Variants in IQCM observed in about 807,000 individuals in gnomAD.
IQCM encodes the protein IQ domain-containing protein M.
IQCM carries 45 observed loss-of-function variants against 57.6 expected under a neutral mutation model. That is an observed-to-expected ratio of 0.78 (90% confidence interval 0.62 to 1.00). The LOEUF is 1.00. IQCM is among the 50% of genes least tolerant of loss of function. The pLI is 0.00. For synonymous variants in IQCM, 148 were observed against 158.9 expected, an observed-to-expected ratio of 0.93 and a Z score of 0.51; for missense variants, 468 against 511.6, an observed-to-expected ratio of 0.91 and a Z score of 0.82.
chr4:149,516,522 C>A (rs188548892), intron 12 of IQCM, among the ~76,000 whole-genome samples: 1 of 152,314 alleles, frequency 6.6e-6, no homozygotes, highest in East Asian at 1.9e-4. Flanking sequence ...ATTGAAGTCA[C>A]AATTACAATG....
At chr4:149,604,395 T>C (rs147346622) in intron 8 of IQCM, among the ~76,000 whole-genome samples, 1,902 of 152,332 alleles carry the variant, frequency 0.012, 21 homozygotes, top group Non-Finnish European at 0.019. Flanking sequence ...ATATTTGTTA[T>C]TGCAGATCAT....
At chr4:149,796,401 G>C (rs1773121549) in intron 2 of IQCM, among the ~76,000 whole-genome samples, 1 of 152,162 alleles carries the variant, frequency 6.6e-6, no homozygotes, top group African/African-American at 2.4e-5. Flanking sequence ...CAGTACAGTA[G>C]AATACCAGGT....
intron 13 of IQCM, among the ~76,000 whole-genome samples, chr4:149,419,758 T>C (rs933190171): frequency 1.3e-5 from 2 of 152,056 alleles, no homozygotes; most frequent in Admixed American, 6.6e-5. Context: ...AAAGGTCTAA[T>C]ATCCAGAATC....
At chr4:149,410,428 G>A (rs531782878) in intron 13 of IQCM, among the ~76,000 whole-genome samples, 1 of 150,818 alleles carries the variant, frequency 6.6e-6, no homozygotes, top group Middle Eastern at 3.6e-3. Context: ...ACCTGTGTGT[G>A]TGTGTGTGTG....
intron 2 of IQCM, among the ~76,000 whole-genome samples, chr4:149,743,741 G>T (rs1767676029): frequency 6.6e-6 from 1 of 152,132 alleles, no homozygotes; most frequent in South Asian, 2.1e-4. Flanking sequence ...TCAACAAAGG[G>T]CTGATTAATG....
intron 8 of IQCM, among the ~76,000 whole-genome samples, chr4:149,612,029 A>G (rs1755343862): frequency 6.6e-6 from 1 of 152,034 alleles, no homozygotes; most frequent in South Asian, 2.1e-4. Context: ...GTGAGACCTC[A>G]AGAAATGTAC....
At chr4:149,487,840 ACTCT>A (rs764641323) in intron 12 of IQCM, among the ~76,000 whole-genome samples, 1 of 150,886 alleles carries the variant, frequency 6.6e-6, no homozygotes, top group Non-Finnish European at 1.5e-5. Flanking sequence ...GCGATTCAAG[ACTCT>A]CTCTCTCTCC....
At chr4:149,627,633 A>G (rs568800664) in intron 7 of IQCM, among the ~76,000 whole-genome samples, 5 of 152,210 alleles carry the variant, frequency 3.3e-5, no homozygotes, top group South Asian at 4.2e-4. Flanking sequence ...ACCCAGGTCT[A>G]TCTTGAAGCT....
At chr4:149,603,796 T>A (rs888030518) in intron 8 of IQCM, among the ~76,000 whole-genome samples, 2 of 151,852 alleles carry the variant, frequency 1.3e-5, no homozygotes, top group Non-Finnish European at 2.9e-5. Context: ...GAAAAAAAAA[T>A]TACAGCAAAA....
intron 8 of IQCM, among the ~76,000 whole-genome samples, chr4:149,604,659 GA>G (rs776650890): frequency 2.2e-4 from 34 of 152,110 alleles, no homozygotes; most frequent in Non-Finnish European, 4.4e-4. Context: ...TTTGTTTGAT[GA>G]AAACAAGCTA....
intron 12 of IQCM, among the ~76,000 whole-genome samples, chr4:149,542,922 T>C (rs1748000940): frequency 6.6e-6 from 1 of 152,014 alleles, no homozygotes; most frequent in Non-Finnish European, 1.5e-5. Context: ...AAATAACTTG[T>C]CCAAAGACAG....
At chr4:149,767,276 G>A (rs1271664255) in intron 2 of IQCM, among the ~76,000 whole-genome samples, 4 of 151,752 alleles carry the variant, frequency 2.6e-5, no homozygotes, top group South Asian at 4.2e-4. Context: ...GACACGTGAC[G>A]CTCAGATATT....
At chr4:149,597,095 A>T (rs932800072) in intron 8 of IQCM, among the ~76,000 whole-genome samples, 12 of 152,130 alleles carry the variant, frequency 7.9e-5, no homozygotes, top group Non-Finnish European at 2.9e-5. Flanking sequence ...AACAAAAAAA[A>T]TTATCAAAAT....
At chr4:149,447,459 G>A (rs1736636117) in intron 12 of IQCM, among the ~76,000 whole-genome samples, 1 of 151,526 alleles carries the variant, frequency 6.6e-6, no homozygotes, top group Non-Finnish European at 1.5e-5. Context: ...AAACATGAAT[G>A]ACTAAAATTA....
chr4:149,414,351 TCA>T (rs1320237499), intron 13 of IQCM, among the ~76,000 whole-genome samples: 1 of 152,128 alleles, frequency 6.6e-6, no homozygotes, highest in East Asian at 1.9e-4. Context: ...TCAAATTACC[TCA>T]GGAGTAAGAG....
At chr4:149,461,485 T>C (rs1738279375) in intron 12 of IQCM, among the ~76,000 whole-genome samples, 1 of 151,774 alleles carries the variant, frequency 6.6e-6, no homozygotes, top group Non-Finnish European at 1.5e-5. Context: ...AAACCCCATA[T>C]TTACAAACAA....
At chr4:149,504,705 G>A (rs1418039811) in intron 12 of IQCM, among the ~76,000 whole-genome samples, 1 of 152,130 alleles carries the variant, frequency 6.6e-6, no homozygotes. Context: ...CTTGAGGCCA[G>A]GAGTTCAAGA....
chr4:149,398,115 T>G (rs1732358795), intron 13 of IQCM, among the ~76,000 whole-genome samples: 1 of 152,012 alleles, frequency 6.6e-6, no homozygotes, highest in Non-Finnish European at 1.5e-5. Flanking sequence ...TTGAATATGG[T>G]TATCCAGTTT....
chr4:149,466,529 A>C (rs1034166925), intron 12 of IQCM, among the ~76,000 whole-genome samples: 1 of 152,190 alleles, frequency 6.6e-6, no homozygotes, highest in African/African-American at 2.4e-5. Context: ...TTATGAGAAA[A>C]CAGTTGGCAA....
Sources: gnomAD v4.1 joint callset for allele counts (sites outside exome capture counted in the v4.1 genomes callset) on GRCh38, gnomAD v4.1.1 for gene constraint, MANE v1.5 for transcripts, NCBI Gene and HGNC (gene_info 2026-07-23, HGNC 2026-07-21) for gene names.